The following SHCBP1L variants were observed in gnomAD, a reference collection of about 807,000 sequenced individuals.
SHCBP1L encodes the protein testicular spindle-associated protein SHCBP1L.
Under a neutral mutation model 62.5 loss-of-function variants are expected in SHCBP1L, and 67 were observed. The observed-to-expected ratio is 1.07, with a 90% CI of 0.88 to 1.31. SHCBP1L has a LOEUF of 1.31. Among genes scored for constraint, SHCBP1L ranks in the 40% most tolerant of loss-of-function variants. SHCBP1L has a pLI of 0.00. For synonymous variants in SHCBP1L, 284 were observed against 289.4 expected (o/e 0.98, Z 0.19); for missense variants, 823 against 809.8 (o/e 1.02, Z -0.20).
At chr1:182,924,703 A>AAG (rs367726236) in intron 6 of SHCBP1L, among the ~76,000 whole-genome samples, 581 of 34,536 alleles carry the variant, frequency 0.017, 17 homozygotes, top group African/African-American at 0.071. Context: ...AAGGAAAGGA[A>AAG]GAAAGAAAGA....
intron 6 of SHCBP1L, among the ~76,000 whole-genome samples, chr1:182,925,890 G>A (rs1346385354): frequency 1.3e-5 from 2 of 152,242 alleles, no homozygotes; most frequent in South Asian, 2.1e-4. Flanking sequence ...AATGAATGAA[G>A]TACTGATAAA....
At chr1:182,921,044 A>G (rs369856529) in intron 6 of SHCBP1L, among the ~76,000 whole-genome samples, 2 of 152,284 alleles carry the variant, frequency 1.3e-5, no homozygotes, top group South Asian at 2.1e-4. Context: ...GAGATACTAT[A>G]CAAAATGACC....
intron 5 of SHCBP1L, among the ~76,000 whole-genome samples, chr1:182,932,012 G>T (rs1230566766): frequency 1.7e-5 from 2 of 119,466 alleles, no homozygotes. Flanking sequence ...ATGTCATATA[G>T]TTGGAGTCAT....
intron 5 of SHCBP1L, among the ~76,000 whole-genome samples, chr1:182,930,703 G>GTATATATATATA (rs1217293960): frequency 1.4e-4 from 2 of 14,282 alleles, no homozygotes; most frequent in African/African-American, 3.9e-4. Context: ...GTGTGTGTGT[G>GTATATATATATA]TATATATATA....
intron 2 of SHCBP1L, among the ~76,000 whole-genome samples, chr1:182,948,467 A>C (rs1036055140): frequency 1.3e-5 from 2 of 152,182 alleles, no homozygotes; most frequent in African/African-American, 4.8e-5. Context: ...GCAGTGTGAG[A>C]AGCACATTGA....
chr1:182,919,778 C>T (rs996757605), intron 6 of SHCBP1L, among the ~76,000 whole-genome samples: 2 of 152,128 alleles, frequency 1.3e-5, no homozygotes, highest in Admixed American at 1.3e-4. Context: ...ATTGAATTTT[C>T]TAACTATGGA....
chr1:182,901,398 G>T (rs1649830168), intron 9 of SHCBP1L, among the ~76,000 whole-genome samples: 1 of 152,206 alleles, frequency 6.6e-6, no homozygotes, highest in East Asian at 1.9e-4. Context: ...CAGACATTGC[G>T]GTGAGCTGAG....
chr1:182,930,727 AT>A lies in SHCBP1L; in HGVS notation c.1077-976del, dbSNP rs71127328. The stretch of plus-strand genomic sequence containing the variant: ...TGTATATATATATATATATATATGT[AT>A]TTTTTTTTTTTTTTTTTTTTTTTAT... On this transcript the variant is annotated intron_variant, in intron 5 of 9. Coordinates refer to ENST00000367547, the MANE Select transcript of SHCBP1L (RefSeq NM_030933.4). Among the ~76,000 whole-genome samples, 190 of 20,944 alleles carry A rather than the reference AT, an allele frequency of 9.1e-3. 1 individual carries two copies. The highest frequency in any genetic ancestry group is 0.03 in the African/African-American group (183 of 6,114). 13.7% of individuals were successfully genotyped at this position (20,944 alleles called of 152,430 possible). A position where few individuals can be genotyped will look rare whatever the true frequency, so the allele number is the denominator to read the frequency against.
At chr1:182,926,031 G>T (rs1288902017) in intron 6 of SHCBP1L, among the ~76,000 whole-genome samples, 3 of 152,138 alleles carry the variant, frequency 2.0e-5, no homozygotes, top group Non-Finnish European at 4.4e-5. Context: ...GCAGATTGTT[G>T]GTTGTCAGGA....
At chr1:182,939,083 C>T in intron 5 of SHCBP1L, 93 bp downstream of exon 5, 1 of 985,378 alleles carries the variant, frequency 1.0e-6, no homozygotes, top group South Asian at 1.7e-5. Flanking sequence ...TTATACTTCA[C>T]TTTAATCAGA....
At chr1:182,931,943 A>ATTTTTTTTTTTTTTTTT (rs1164377476) in intron 5 of SHCBP1L, among the ~76,000 whole-genome samples, 1 of 69,656 alleles carries the variant, frequency 1.4e-5, no homozygotes, top group African/African-American at 6.2e-5. Context: ...GGAACCACTG[A>ATTTTTTTTTTTTTTTTT]TTTTTTTTTT....
intron 5 of SHCBP1L, among the ~76,000 whole-genome samples, chr1:182,932,081 T>C (rs1430540186): frequency 6.6e-6 from 1 of 151,828 alleles, no homozygotes; most frequent in Non-Finnish European, 1.5e-5. Context: ...TTTAAGTTTC[T>C]TCCATGTCTT....
intron 2 of SHCBP1L, among the ~76,000 whole-genome samples, chr1:182,944,121 A>AAAAT (rs147108848): frequency 0.011 from 1,517 of 134,090 alleles, 18 homozygotes; most frequent in Non-Finnish European, 0.013. Flanking sequence ...ACTACTTCTC[A>AAAAT]AAATAAATAA....
At chr1:182,900,957 T>C (rs1200745707) in intron 9 of SHCBP1L, among the ~76,000 whole-genome samples, 1 of 152,202 alleles carries the variant, frequency 6.6e-6, no homozygotes, top group Non-Finnish European at 1.5e-5. Flanking sequence ...AACAACTAAT[T>C]CTGTATGGCA....
chr1:182,934,435 T>C (rs1651103676), intron 5 of SHCBP1L, among the ~76,000 whole-genome samples: 3 of 152,160 alleles, frequency 2.0e-5, no homozygotes, highest in Non-Finnish European at 1.5e-5. Flanking sequence ...AACTTACTAA[T>C]GACAAATGAG....
Position 182,943,505 on chromosome 1 carries a change from G to A in SHCBP1L, c.556-2962C>T, listed in dbSNP as rs368043625. 8.0e-5 allele frequency among the ~76,000 whole-genome samples: 12 copies of A among 150,458 alleles called. No homozygotes were observed. In the South Asian group the frequency reaches 2.1e-3, roughly 26 times the overall value. The stretch of plus-strand genomic sequence containing the variant: ...TCTGTTGCCCCAGCTGGAGTGCAGC[G>A]GTGCAATCTCAGCTCACTGCAACCT... On this transcript the variant is annotated intron_variant, in intron 2 of 9. Transcript: ENST00000367547.
intron 6 of SHCBP1L, among the ~76,000 whole-genome samples, chr1:182,918,145 C>CAT (rs555292297): frequency 2.0e-5 from 3 of 146,522 alleles, no homozygotes; most frequent in African/African-American, 7.5e-5. Context: ...TATATATACA[C>CAT]ATATATATAC....
intron 9 of SHCBP1L, among the ~76,000 whole-genome samples, chr1:182,902,143 GA>G (rs1471602527): frequency 7.0e-6 from 1 of 143,480 alleles, no homozygotes; most frequent in Admixed American, 7.3e-5. Flanking sequence ...TCCACCTCTC[GA>G]GTTCAAGTGA....
At chr1:182,927,089 T>C (rs1224428516) in intron 6 of SHCBP1L, among the ~76,000 whole-genome samples, 2 of 30,514 alleles carry the variant, frequency 6.6e-5, no homozygotes, top group Non-Finnish European at 5.7e-5. Flanking sequence ...TATATATATA[T>C]ATATATATAT....
Sources: gnomAD v4.1 joint callset for allele counts (sites outside exome capture counted in the v4.1 genomes callset) on GRCh38, gnomAD v4.1.1 for gene constraint, MANE v1.5 for transcripts, NCBI Gene and HGNC (gene_info 2026-07-23, HGNC 2026-07-21) for gene names.